The following CASP5 variants were observed in gnomAD, a reference collection of about 807,000 sequenced individuals.
CASP5 encodes caspase 5, also known as caspase-5.
In CASP5, 42 loss-of-function variants were observed where a neutral mutation model predicts 45.2. That is an observed-to-expected ratio of 0.93 (90% CI 0.73 to 1.20). CASP5 has a LOEUF of 1.20. Ranked by LOEUF, CASP5 falls within the 50% of genes most tolerant of loss-of-function variation. The probability of loss-of-function intolerance (pLI) is 0.00; values close to 1 mark genes in which losing one functional copy is unlikely to be tolerated. For missense variants in CASP5, 512 were observed against 532.2 expected (o/e 0.96, Z 0.37); for synonymous variants, 209 against 186.2 (o/e 1.12, Z -1.00).
intron 7 of CASP5, among the ~76,000 whole-genome samples, chr11:104,997,720 T>C (rs1861529712): frequency 6.6e-6 from 1 of 152,192 alleles, no homozygotes; most frequent in Non-Finnish European, 1.5e-5. Flanking sequence ...TGTATTTTGA[T>C]TCTTGGAACT....
At chr11:104,997,277 C>T in intron 8 of CASP5, 106 bp downstream of exon 8, 1 of 808,750 alleles carries the variant, frequency 1.2e-6, no homozygotes, top group South Asian at 1.4e-5. Flanking sequence ...TGCCATACTA[C>T]TTTTGCTTGC....
At chr11:105,018,659 T>C in intron 1 of CASP5, among the ~76,000 whole-genome samples, 1 of 143,486 alleles carries the variant, frequency 7.0e-6, no homozygotes, top group Non-Finnish European at 1.5e-5. Context: ...ATAAAGCAAG[T>C]CCTGAGTGAC....
At chr11:105,008,741 A>C (rs1257358437) in intron 2 of CASP5, 66 bp downstream of exon 2, 7 of 1,132,762 alleles carry the variant, frequency 6.2e-6, no homozygotes, top group Middle Eastern at 5.8e-4. Context: ...AAGTCACTGC[A>C]TGGGACTTAT....
At chr11:105,013,718 C>T (rs1862458767) in intron 1 of CASP5, among the ~76,000 whole-genome samples, 2 of 152,002 alleles carry the variant, frequency 1.3e-5, no homozygotes, top group Admixed American at 6.6e-5. Context: ...AAAAATGAGA[C>T]GTCACTTAAA....
chr11:104,997,296 CT>C, intron 8 of CASP5, 86 bp downstream of exon 8: 1 of 984,454 alleles, frequency 1.0e-6, no homozygotes, highest in South Asian at 1.3e-5. Context: ...GCCTGAAAAA[CT>C]GTGTCATTTT....
intron 5 of CASP5, 85 bp downstream of exon 5, chr11:105,001,943 T>C: frequency 7.1e-7 from 1 of 1,403,274 alleles, no homozygotes; most frequent in Non-Finnish European, 9.8e-7. Context: ...TTGTTAAACC[T>C]TGTTGAACTT....
chr11:104,994,861 G>T (rs1460074809), intron 9 of CASP5, among the ~76,000 whole-genome samples: 1 of 152,198 alleles, frequency 6.6e-6, no homozygotes, highest in Non-Finnish European at 1.5e-5. Flanking sequence ...TTTCAAGGCA[G>T]GTTTTCCTGA....
chr11:105,011,887 A>G (rs1490462237), intron 1 of CASP5, among the ~76,000 whole-genome samples: 1 of 151,784 alleles, frequency 6.6e-6, no homozygotes, highest in Non-Finnish European at 1.5e-5. Flanking sequence ...TGAATTCAAT[A>G]CAATTCCTAT....
intron 5 of CASP5, among the ~76,000 whole-genome samples, chr11:105,001,462 C>T (rs45494899): frequency 0.031 from 4,704 of 152,188 alleles, 224 homozygotes; most frequent in African/African-American, 0.093. Context: ...GTCAGGAGAT[C>T]GAGACCATCC....
Position 104,998,881 on chromosome 11 carries a change from A to T in CASP5, c.1096+4T>A, listed in dbSNP as rs1861590808. On this transcript the variant is annotated splice_donor_region_variant and intron_variant, in intron 7 of 9. Coordinates refer to ENST00000260315, the MANE Select transcript of CASP5 (RefSeq NM_004347.5). ...ATTTTTGACTGTTACTAAAAGACAC[A>T]TACGTGGTGTTGAAGAACAGAAAGC... 1 of 1,611,588 alleles carries T rather than the reference A, an allele frequency of 6.2e-7. No individual in the cohort carries two copies. Among genetic ancestry groups the T allele is most frequent in the East Asian group, 2.2e-5 (1 of 44,838 alleles).
intron 1 of CASP5, 180 bp from the exon 2 acceptor site, chr11:105,009,160 C>T (rs1052060181): frequency 1.6e-6 from 1 of 621,092 alleles, no homozygotes; most frequent in African/African-American, 1.9e-5. Flanking sequence ...CAAATTCCTA[C>T]CAGGCTGTGT....
intron 1 of CASP5, among the ~76,000 whole-genome samples, chr11:105,019,897 A>G (rs1056568438): frequency 6.8e-6 from 1 of 146,028 alleles, no homozygotes; most frequent in Non-Finnish European, 1.5e-5. Flanking sequence ...CATTGATGCA[A>G]AAATCCTCAA....
At chr11:105,008,726 C>A in intron 2 of CASP5, 81 bp downstream of exon 2, 2 of 951,834 alleles carry the variant, frequency 2.1e-6, no homozygotes, top group Non-Finnish European at 3.3e-6. Flanking sequence ...ATAGGGGGAT[C>A]ACAGAAGTCA....
Position 105,000,509 on chromosome 11 carries a change from A to T in CASP5, c.718-14T>A. 1 of 1,609,468 alleles carries T rather than the reference A, an allele frequency of 6.2e-7. No individual in the cohort carries two copies. The highest frequency in any genetic ancestry group is 8.5e-7 in the Non-Finnish European group (1 of 1,175,870). ...TGACTCCATATCCTATAAAAGAGCA[A>T]TGTCTAACTTCAGTCAGAGAAGCAT... On this transcript the variant is annotated splice_polypyrimidine_tract_variant and intron_variant, in intron 5 of 9. Coordinates refer to ENST00000260315, the MANE Select transcript of CASP5 (RefSeq NM_004347.5).
chr11:105,020,598 A>G (rs2134771144), intron 1 of CASP5, among the ~76,000 whole-genome samples: 1 of 150,648 alleles, frequency 6.6e-6, no homozygotes, highest in East Asian at 1.9e-4. Context: ...TCCAACTTAC[A>G]AGGGATGTGA....
chr11:105,016,735 G>A (rs1228368476), intron 1 of CASP5, among the ~76,000 whole-genome samples: 6 of 151,882 alleles, frequency 4.0e-5, no homozygotes, highest in Non-Finnish European at 8.8e-5. Flanking sequence ...GGGGAGGGGC[G>A]CCCACCATTG....
intron 4 of CASP5, among the ~76,000 whole-genome samples, chr11:105,002,909 G>A (rs959684323): frequency 8.5e-5 from 13 of 152,104 alleles, no homozygotes; most frequent in Non-Finnish European, 1.5e-5. Context: ...AAGTATTTGT[G>A]CATTTATGGC....
chr11:105,015,268 A>G (rs557617362), intron 1 of CASP5, among the ~76,000 whole-genome samples: 48 of 152,362 alleles, frequency 3.2e-4, no homozygotes, highest in Middle Eastern at 3.4e-3. Flanking sequence ...TAAAATGGCA[A>G]TAATAGCACA....
At chr11:105,015,914 C>T (rs1862566010) in intron 1 of CASP5, among the ~76,000 whole-genome samples, 1 of 152,138 alleles carries the variant, frequency 6.6e-6, no homozygotes, top group South Asian at 2.1e-4. Flanking sequence ...ATACAGTAAA[C>T]ATTTGCTTCT....
Sources: gnomAD v4.1 joint callset for allele counts (sites outside exome capture counted in the v4.1 genomes callset) on GRCh38, gnomAD v4.1.1 for gene constraint, MANE v1.5 for transcripts, NCBI Gene and HGNC (gene_info 2026-07-23, HGNC 2026-07-21) for gene names.